The following RBFOX1 variants were observed in gnomAD, a reference collection of about 807,000 sequenced individuals.
The protein encoded by RBFOX1 is RNA binding fox-1 homolog 1, also known as RNA binding protein fox-1 homolog 1.
A neutral mutation model predicts 57.7 loss-of-function variants in RBFOX1; 8 were observed. The observed-to-expected ratio is 0.14, with a 90% confidence interval of 0.08 to 0.25. The LOEUF (loss-of-function observed/expected upper bound fraction) is 0.25, where lower values mean the gene tolerates loss of function less well. Among genes scored for constraint, RBFOX1 ranks in the 10% least tolerant of loss-of-function variants. The probability of loss-of-function intolerance (pLI) is 1.00; values close to 1 mark genes in which losing one functional copy is unlikely to be tolerated. For synonymous variants in RBFOX1, 326 were observed against 222.4 expected, an observed-to-expected ratio of 1.47 and a Z score of -4.15; for missense variants, 611 against 548.5, an observed-to-expected ratio of 1.11 and a Z score of -1.14.
chr16:6,833,779 C>G (rs1394075927), intron 3 of RBFOX1, among the ~76,000 whole-genome samples: 1 of 152,098 alleles, frequency 6.6e-6, no homozygotes, highest in Non-Finnish European at 1.5e-5. Context: ...TTGAAGGTCT[C>G]TGTGAAGGAC....
At chr16:6,254,591 C>G (rs959393706) in intron 1 of RBFOX1, among the ~76,000 whole-genome samples, 1 of 152,122 alleles carries the variant, frequency 6.6e-6, no homozygotes, top group Non-Finnish European at 1.5e-5. Context: ...GGTAGGAAGA[C>G]ATTTTAACAT....
intron 4 of RBFOX1, among the ~76,000 whole-genome samples, chr16:5,870,894 C>A (rs2057453431): frequency 6.6e-6 from 1 of 151,490 alleles, no homozygotes; most frequent in Non-Finnish European, 1.5e-5. Flanking sequence ...TAGAGACAAA[C>A]AGTTGTAATT....
At chr16:5,795,070 A>G (rs1218071946) in intron 3 of RBFOX1, among the ~76,000 whole-genome samples, 1 of 152,116 alleles carries the variant, frequency 6.6e-6, no homozygotes, top group Non-Finnish European at 1.5e-5. Flanking sequence ...AAATTATTCC[A>G]TCTCAGTTTC....
chr16:6,425,990 C>T (rs557917156), intron 2 of RBFOX1, among the ~76,000 whole-genome samples: 20 of 152,216 alleles, frequency 1.3e-4, no homozygotes, highest in Admixed American at 3.9e-4. Flanking sequence ...CTAGGTACAC[C>T]TCATCTATTT....
At chr16:5,945,795 A>G (rs920319703) in intron 4 of RBFOX1, among the ~76,000 whole-genome samples, 4 of 152,120 alleles carry the variant, frequency 2.6e-5, no homozygotes, top group African/African-American at 4.8e-5. Flanking sequence ...AGGCTCTAGA[A>G]TTCATATCCT....
intron 1 of RBFOX1, among the ~76,000 whole-genome samples, chr16:6,270,194 A>T (rs1031586459): frequency 5.1e-5 from 2 of 39,570 alleles, no homozygotes; most frequent in South Asian, 1.4e-3. Context: ...AGAACAAATA[A>T]AAAAAAAAGA....
intron 4 of RBFOX1, among the ~76,000 whole-genome samples, chr16:7,415,874 T>C (rs1302890584): frequency 1.1e-4 from 16 of 152,206 alleles, no homozygotes; most frequent in Admixed American, 1.0e-3. Flanking sequence ...ACTGTCCTTT[T>C]TGTGCATTTG....
chr16:6,318,297 AT>A (rs1260951379), intron 2 of RBFOX1, among the ~76,000 whole-genome samples: 2 of 152,216 alleles, frequency 1.3e-5, no homozygotes, highest in Non-Finnish European at 2.9e-5. Context: ...TGCCACATCT[AT>A]CTTTTCATGC....
At chr16:6,879,943 C>T (rs992182184) in intron 3 of RBFOX1, among the ~76,000 whole-genome samples, 3 of 152,106 alleles carry the variant, frequency 2.0e-5, no homozygotes, top group Non-Finnish European at 2.9e-5. Flanking sequence ...TGCATCATTT[C>T]TTCTATCTGT....
intron 3 of RBFOX1, among the ~76,000 whole-genome samples, chr16:7,025,387 A>G (rs1313318132): frequency 6.6e-6 from 1 of 152,090 alleles, no homozygotes; most frequent in Non-Finnish European, 1.5e-5. Context: ...TGTTTTTATC[A>G]GCAAGGTCCT....
chr16:7,085,185 A>G (rs372026692), intron 4 of RBFOX1, among the ~76,000 whole-genome samples: 14 of 152,194 alleles, frequency 9.2e-5, no homozygotes, highest in Admixed American at 5.2e-4. Context: ...GGCCAGGCCT[A>G]TAAAGGAAAA....
At position 6,252,174 on chromosome 16, in the gene RBFOX1, G is replaced by A. The variant is rs535333788; in HGVS notation, c.-126-64821G>A. 9.2e-5 allele frequency among the ~76,000 whole-genome samples: 14 copies of A among 152,068 alleles called. 1 individual carries two copies. Among genetic ancestry groups the A allele is most frequent in the East Asian group, 7.8e-4 (4 of 5,138 alleles). ...TATCTGTACCTGTCTTTGGTTTTGC[G>A]TCCCTGCACCCATCCCGCAACTTGA... is the stretch of plus-strand genomic sequence containing the variant. On this transcript the variant is annotated intron_variant, in intron 1 of 15. Transcript: ENST00000550418.
chr16:6,322,982 T>C (rs1294424307), intron 2 of RBFOX1, among the ~76,000 whole-genome samples: 1 of 152,184 alleles, frequency 6.6e-6, no homozygotes, highest in Non-Finnish European at 1.5e-5. Flanking sequence ...ATTTCCCCTA[T>C]GAATATCTCT....
At chr16:6,122,015 C>T (rs1157795207) in intron 1 of RBFOX1, among the ~76,000 whole-genome samples, 2 of 152,168 alleles carry the variant, frequency 1.3e-5, no homozygotes, top group Non-Finnish European at 2.9e-5. Flanking sequence ...AAGCAATTCT[C>T]CTGCCTCAGC....
chr16:7,068,481 C>T (rs562669129), intron 4 of RBFOX1, among the ~76,000 whole-genome samples: 27 of 152,292 alleles, frequency 1.8e-4, no homozygotes, highest in African/African-American at 5.8e-4. Context: ...CTTTTGCAGT[C>T]CCTACTGGCA....
intron 4 of RBFOX1, among the ~76,000 whole-genome samples, chr16:5,903,871 G>A (rs1310016477): frequency 6.6e-6 from 1 of 152,128 alleles, no homozygotes. Flanking sequence ...GCCTTGGTTG[G>A]TGCAAGCCCT....
In RBFOX1 at chr16:6,624,013, G is replaced by A. The variant is rs144349284; in HGVS notation, c.-63-30590G>A. Among the ~76,000 whole-genome samples, 1,461 of 152,230 alleles carry A rather than the reference G, an allele frequency of 9.6e-3. 16 individuals carry two copies. The highest frequency in any genetic ancestry group is 0.03 in the African/African-American group (1,240 of 41,538). On this transcript the variant is annotated intron_variant, in intron 2 of 15. Coordinates refer to ENST00000550418, the MANE Select transcript of RBFOX1 (RefSeq NM_018723.4). ...TCTAGTTCTAGATCCCTGAGGAGTC[G>A]CCACACTGACTTCCACAATGGTTGA...
chr16:7,617,016 A>G lies in RBFOX1; in HGVS notation c.676+9678A>G, dbSNP rs111364060. On this transcript the variant is annotated intron_variant, in intron 10 of 15. Transcript: ENST00000550418. ...AAAAAAAAAAAAAAGTAAACTTGCA[A>G]TTTATAGTGACATCTGTAATGATGG... is the stretch of plus-strand genomic sequence containing the variant. Among the ~76,000 whole-genome samples the G allele has an allele frequency of 7.4e-3, 1,129 of 152,146 alleles. 13 individuals carry two copies. The highest frequency in any genetic ancestry group is 0.026 in the African/African-American group (1,072 of 41,512).
Position 6,685,674 on chromosome 16 carries a change from A to T in RBFOX1, c.-16+31024A>T, listed in dbSNP as rs573598287. Among the ~76,000 whole-genome samples, 161 of 152,250 alleles carry T rather than the reference A, an allele frequency of 1.1e-3. 1 individual carries two copies. The Middle Eastern group carries it at 0.027, about 26-fold the overall frequency. On this transcript the variant is annotated intron_variant, in intron 3 of 15. Transcript: ENST00000550418. ...AAGTCATCCATACTTATTGTAGAAC[A>T]TTTAAAAATATAAAAAAGGAGAAAA... is the stretch of plus-strand genomic sequence containing the variant.
Sources: gnomAD v4.1 joint callset for allele counts (sites outside exome capture counted in the v4.1 genomes callset) on GRCh38, gnomAD v4.1.1 for gene constraint, MANE v1.5 for transcripts, NCBI Gene and HGNC (gene_info 2026-07-23, HGNC 2026-07-21) for gene names.